The following PTP4A3 variants were observed in gnomAD, a reference collection of about 807,000 sequenced individuals.
PTP4A3 encodes the protein protein tyrosine phosphatase 4A3, also known as protein tyrosine phosphatase type IVA 3.
A neutral mutation model predicts 15.2 loss-of-function variants in PTP4A3; 9 were observed. The ratio of observed to expected loss-of-function variants is 0.59; its 90% CI spans 0.36 to 1.03. The LOEUF is 1.03. Among genes scored for constraint, PTP4A3 ranks in the 50% least tolerant of loss-of-function variants. The pLI is 0.02. For missense variants in PTP4A3, 234 were observed against 252.1 expected (o/e 0.93, Z 0.49); for synonymous variants, 95 against 102.0 (o/e 0.93, Z 0.41).
At chr8:141,414,160 C>T (rs536059809) in intron 1 of PTP4A3, among the ~76,000 whole-genome samples, 23 of 152,234 alleles carry the variant, frequency 1.5e-4, no homozygotes, top group Non-Finnish European at 3.2e-4. Context: ...GGTTTCCACA[C>T]TGGCTTCTCA....
intron 1 of PTP4A3, among the ~76,000 whole-genome samples, chr8:141,405,755 A>G (rs1320250688): frequency 6.6e-6 from 1 of 150,734 alleles, no homozygotes; most frequent in African/African-American, 2.4e-5. Flanking sequence ...TGTGTGGGGG[A>G]CAGAGGACAG....
At chr8:141,410,183 C>G (rs1446037215) in intron 1 of PTP4A3, among the ~76,000 whole-genome samples, 1 of 152,234 alleles carries the variant, frequency 6.6e-6, no homozygotes, top group Non-Finnish European at 1.5e-5. Context: ...GCCCCAGGAT[C>G]ACAGAAGTGC....
chr8:141,426,869 C>A, intron 3 of PTP4A3, 70 bp from the exon 4 acceptor site: 1 of 1,553,040 alleles, frequency 6.4e-7, no homozygotes, highest in Admixed American at 1.8e-5. Context: ...TCCCTTTCCT[C>A]GCCTGAGCCC....
In PTP4A3 at chr8:141,432,384, C is replaced by T. The variant is rs1467628876; in HGVS notation, c.*1340C>T. ...TGTGTGGAGAAAGGGCAACAGCTGT[C>T]CCGGATGGTTATTCTCTCCTTTCCT... On this transcript the variant is annotated 3_prime_UTR_variant, in exon 6 of 6. Transcript: ENST00000521578. The T allele has an allele frequency of 6.6e-6, 1 of 152,254 alleles. No homozygotes were observed. Among genetic ancestry groups the T allele is most frequent in the Non-Finnish European group, 1.5e-5 (1 of 68,058 alleles). 9.4% of individuals were successfully genotyped at this position (152,254 alleles called of 1,614,324 possible).
At chr8:141,419,549 T>A (rs1022159688) in intron 1 of PTP4A3, among the ~76,000 whole-genome samples, 4 of 147,148 alleles carry the variant, frequency 2.7e-5, no homozygotes, top group African/African-American at 9.9e-5. Flanking sequence ...TACCTCCTTC[T>A]GGGGGTCCCA....
chr8:141,428,961 C>T (rs1413643449), intron 5 of PTP4A3, among the ~76,000 whole-genome samples: 1 of 152,238 alleles, frequency 6.6e-6, no homozygotes, highest in East Asian at 1.9e-4. Flanking sequence ...CCCGGGTTCT[C>T]TCCCCACCCC....
intron 1 of PTP4A3, among the ~76,000 whole-genome samples, chr8:141,400,628 G>A (rs960185304): frequency 6.6e-6 from 1 of 152,230 alleles, no homozygotes; most frequent in Non-Finnish European, 1.5e-5. Context: ...TCGGCACCGG[G>A]GTGAGTCTTT....
Position 141,425,326 on chromosome 8 carries a change from A to G in PTP4A3, c.198+186A>G, listed in dbSNP as rs1027740081. On this transcript the variant is annotated intron_variant, in intron 3 of 5. Coordinates refer to ENST00000521578, the MANE Select transcript of PTP4A3 (RefSeq NM_032611.3). The surrounding 1 kb of genome is among the most constrained non-coding windows in gnomAD (Gnocchi z 4.2). ...CAGGGTGTTGGGCCGTGTGACCTCA[A>G]GAAAGTCACCCTTGCGCACCCGTCT... Among the ~76,000 whole-genome samples the G allele has an allele frequency of 2.6e-5, 4 of 152,026 alleles. No individual in the cohort carries two copies. Among genetic ancestry groups the G allele is most frequent in the African/African-American group, 9.7e-5 (4 of 41,408 alleles).
At chr8:141,405,884 T>C (rs1212890806) in intron 1 of PTP4A3, among the ~76,000 whole-genome samples, 1 of 151,520 alleles carries the variant, frequency 6.6e-6, no homozygotes, top group Non-Finnish European at 1.5e-5. Flanking sequence ...GCACAGGCAG[T>C]GCAAGGGCTC....
chr8:141,410,503 G>A (rs948076877), intron 1 of PTP4A3, among the ~76,000 whole-genome samples: 2 of 152,226 alleles, frequency 1.3e-5, no homozygotes, highest in African/African-American at 4.8e-5. Flanking sequence ...GGGGCGCTCG[G>A]TGTCCTCACA....
intron 1 of PTP4A3, among the ~76,000 whole-genome samples, chr8:141,410,068 C>G (rs1832828086): frequency 6.6e-6 from 1 of 152,184 alleles, no homozygotes; most frequent in South Asian, 2.1e-4. Context: ...CTGGCTCTGC[C>G]CAGCCCCTGC....
rs1018973238 is a variant in PTP4A3 at position 141,425,304 on chromosome 8, G to C, written c.198+164G>C. ...TCTGGGTACATCAAGGGAAGGCCAG[G>C]GTGTTGGGCCGTGTGACCTCAAGAA... is the stretch of plus-strand genomic sequence containing the variant. On this transcript the variant is annotated intron_variant, in intron 3 of 5. Transcript: ENST00000521578. This position sits in a 1 kb window ranked among gnomAD's most constrained non-coding sequence, Gnocchi z 4.2. 5.9e-5 allele frequency among the ~76,000 whole-genome samples: 9 copies of C among 152,126 alleles called. No homozygotes were observed. In the South Asian group the frequency reaches 1.9e-3, roughly 32 times the overall value.
At chr8:141,421,053 G>T (rs939534210) in intron 1 of PTP4A3, among the ~76,000 whole-genome samples, 1 of 152,186 alleles carries the variant, frequency 6.6e-6, no homozygotes, top group African/African-American at 2.4e-5. Flanking sequence ...CCCACAGAGG[G>T]ATCTGTCATC....
At chr8:141,405,331 C>T (rs915619782) in intron 1 of PTP4A3, among the ~76,000 whole-genome samples, 5 of 152,180 alleles carry the variant, frequency 3.3e-5, no homozygotes, top group Admixed American at 6.5e-5. Flanking sequence ...GCTCCCCAGG[C>T]AATTTTGGCT....
At chr8:141,416,073 G>A (rs986587211) in intron 1 of PTP4A3, among the ~76,000 whole-genome samples, 21 of 152,302 alleles carry the variant, frequency 1.4e-4, no homozygotes, top group African/African-American at 4.8e-4. Flanking sequence ...CCCCAGGCAA[G>A]GGGGTGGAGC....
intron 1 of PTP4A3, among the ~76,000 whole-genome samples, chr8:141,407,627 T>C (rs1044861850): frequency 3.3e-5 from 5 of 149,552 alleles, no homozygotes; most frequent in East Asian, 2.0e-4. Flanking sequence ...AGTGCAGTGG[T>C]GGGATCTTGG....
intron 1 of PTP4A3, among the ~76,000 whole-genome samples, chr8:141,400,385 C>T (rs982960850): frequency 8.5e-5 from 13 of 152,398 alleles, no homozygotes; most frequent in Non-Finnish European, 5.9e-5. Flanking sequence ...GGGAAATACA[C>T]GGCTGCAGTA....
At chr8:141,415,830 C>T (rs1833030305) in intron 1 of PTP4A3, among the ~76,000 whole-genome samples, 1 of 124,292 alleles carries the variant, frequency 8.0e-6, no homozygotes, top group African/African-American at 3.2e-5. Flanking sequence ...GAGGCTGGGC[C>T]CTTGGAGCTG....
chr8:141,426,524 CAG>C, intron 3 of PTP4A3: 8 of 985,450 alleles, frequency 8.1e-6, no homozygotes, highest in African/African-American at 3.5e-5. Flanking sequence ...CATGCCAGCA[CAG>C]GGGATGAGAC....
Sources: allele counts gnomAD v4.1 joint callset (sites outside exome capture counted in the v4.1 genomes callset), GRCh38; gene constraint gnomAD v4.1.1; non-coding constraint Gnocchi (gnomAD v3.1); transcripts MANE v1.5; gene names NCBI Gene and HGNC (gene_info 2026-07-23, HGNC 2026-07-21).